The following ZC3HC1 variants were observed in gnomAD, a reference collection of about 807,000 sequenced individuals.
The protein encoded by ZC3HC1 is zinc finger C3HC-type protein 1.
A neutral mutation model predicts 61.9 loss-of-function variants in ZC3HC1; 38 were observed. That is an observed-to-expected ratio of 0.61 (90% CI 0.47 to 0.81). The LOEUF (loss-of-function observed/expected upper bound fraction) is 0.81, where lower values mean the gene tolerates loss of function less well. Among genes scored for constraint, ZC3HC1 ranks in the 30% least tolerant of loss-of-function variants. The probability of loss-of-function intolerance (pLI) is 0.00; values close to 1 mark genes in which losing one functional copy is unlikely to be tolerated. For missense variants in ZC3HC1, 554 were observed against 622.7 expected, an observed-to-expected ratio of 0.89 and a Z score of 1.17; for synonymous variants, 213 against 229.9, an observed-to-expected ratio of 0.93 and a Z score of 0.67.
rs749273662 is a variant in ZC3HC1 at position 130,024,380 on chromosome 7, G to C, written c.903C>G (p.Thr301=). ...CCTCAAGGCCTGGGATTGGGGAGCT[G>C]GTCAGGCCAAAGGATGCATCCAGGT... ...MTDLDASFGL[T]SSPIPGLEGR... Residue 301 remains threonine (T), a synonymous_variant, in exon 7 of 10, where the codon ACC becomes ACG. Coordinates refer to ENST00000358303, the MANE Select transcript of ZC3HC1 (RefSeq NM_016478.5). 8 of 1,614,116 alleles carry C rather than the reference G, an allele frequency of 5.0e-6. No individual in the cohort carries two copies. In the South Asian group the frequency reaches 6.6e-5, roughly 13 times the overall value.
At chr7:130,045,479 C>A (rs538015849) in intron 2 of ZC3HC1, 1 of 457,430 alleles carries the variant, frequency 2.2e-6, no homozygotes, top group South Asian at 1.5e-5. Flanking sequence ...AGCTTCACAA[C>A]CTCTATGGTC....
In ZC3HC1 at chr7:130,039,486, G is replaced by C. The variant is rs1794561835; in HGVS notation, c.471C>G (p.Phe157Leu). ...TACCTGGGGATGGGCTGTCTGGCCA[G>C]AAACAGAACTTCTCATGGGCAGTAC... is the stretch of plus-strand genomic sequence containing the variant. ...ALCTAHEKFC[F>L]WPDSPSPDRF... is the part of the protein sequence containing the mutation. The change falls in exon 4 of 10, where the codon TTC becomes TTG. Residue 157 changes from phenylalanine to leucine, a missense_variant. Coordinates refer to ENST00000358303, the MANE Select transcript of ZC3HC1 (RefSeq NM_016478.5). The C allele has an allele frequency of 1.9e-6, 3 of 1,612,406 alleles. No individual in the cohort carries two copies. The highest frequency in any genetic ancestry group is 2.2e-5 in the South Asian group (2 of 90,422).
chr7:130,045,583 C>G, intron 2 of ZC3HC1: 1 of 455,246 alleles, frequency 2.2e-6, no homozygotes, highest in South Asian at 1.6e-5. Context: ...TACTTTGGAT[C>G]TCATTTGCTG....
At position 130,026,199 on chromosome 7, in the gene ZC3HC1, G is replaced by A. The variant is rs570040948; in HGVS notation, c.735C>T (p.His245=). The A allele has an allele frequency of 5.6e-6, 9 of 1,614,090 alleles. No homozygotes were observed. The highest frequency in any genetic ancestry group is 3.3e-5 in the South Asian group (3 of 91,078). The change falls in exon 6 of 10, where the codon CAC becomes CAT. Residue 245 remains histidine, a synonymous_variant. Coordinates refer to ENST00000358303, the MANE Select transcript of ZC3HC1 (RefSeq NM_016478.5). ...TIKLGSDIQV[H]VTACILSVCG... is the part of the protein sequence containing the mutation. ...ACACAGAGAGAATACAGGCAGTGAC[G>A]TGGACTTGGATGTCTGAGCCTAATT... is the stretch of plus-strand genomic sequence containing the variant.
At position 130,023,618 on chromosome 7, in the gene ZC3HC1, G is replaced by A. The variant is rs759468980; in HGVS notation, c.1126C>T (p.Arg376Cys). The A allele has an allele frequency of 2.4e-5, 38 of 1,614,044 alleles. No individual in the cohort carries two copies. Among genetic ancestry groups the A allele is most frequent in the Non-Finnish European group, 3.1e-5 (36 of 1,180,046 alleles). The change falls in exon 8 of 10, where the codon CGC becomes TGC. Residue 376 changes from arginine (R) to cysteine (C), a missense_variant. Coordinates refer to ENST00000358303, the MANE Select transcript of ZC3HC1 (RefSeq NM_016478.5). The surrounding 1 kb of genome is among the most constrained non-coding windows in gnomAD (Gnocchi z 4.2). The part of the protein sequence containing the change: ...PEAASPTTRT[R>C]PVTRSMGTGD... ...GTTCCCATGCTTCGGGTCACTGGGC[G>A]AGTTCTGGTGGTGGGGCTAGCAGCC...
In ZC3HC1 at chr7:130,022,494, G is replaced by A. The variant is rs369538134; in HGVS notation, c.1265C>T (p.Thr422Ile). ...AGGGCACCAGTCTCTATGCTGAGAG[G>A]TGGGATCAAAGAAGCTTCGGGAAGA... ...DTSSRSFFDP[T>I]SQHRDWCPWV... The change falls in exon 9 of 10, where the codon ACC becomes ATC. Residue 422 changes from threonine (T) to isoleucine (I), a missense_variant. Coordinates refer to ENST00000358303, the MANE Select transcript of ZC3HC1 (RefSeq NM_016478.5). 2 of 1,613,710 alleles carry A rather than the reference G, an allele frequency of 1.2e-6. No homozygotes were observed. The highest frequency in any genetic ancestry group is 1.3e-5 in the African/African-American group (1 of 74,928).
chr7:130,031,911 T>A (rs1296318212), intron 4 of ZC3HC1, among the ~76,000 whole-genome samples: 1 of 152,082 alleles, frequency 6.6e-6, no homozygotes, highest in Non-Finnish European at 1.5e-5. Flanking sequence ...TAAAGAAATC[T>A]CTGTCCAATC....
In ZC3HC1 at chr7:130,024,286, T is replaced by C. The variant is rs745573379; in HGVS notation, c.997A>G (p.Thr333Ala). Residue 333 changes from threonine to alanine, a missense_variant, in exon 7 of 10, where the codon ACT (threonine) becomes GCT (alanine). Thr to Ala is a moderately conservative substitution (Grantham distance 58, BLOSUM62 0). Transcript: ENST00000358303. The part of the protein sequence containing the change: ...RRMMTRSQDA[T>A]FSPGSEQAEK... ...ACCTGCTCTGAGCCTGGGGAGAAAG[T>C]GGCATCCTGGCTCCGGGTCATCATC... is the stretch of plus-strand genomic sequence containing the variant. The C allele has an allele frequency of 1.5e-5, 24 of 1,611,366 alleles. No individual in the cohort carries two copies. The highest frequency in any genetic ancestry group is 2.0e-5 in the Non-Finnish European group (24 of 1,178,224).
At chr7:130,019,464 C>T (rs1042070574) in intron 9 of ZC3HC1, among the ~76,000 whole-genome samples, 2 of 152,160 alleles carry the variant, frequency 1.3e-5, no homozygotes, top group African/African-American at 4.8e-5. Flanking sequence ...CCAAGGACAA[C>T]TAATAAAAAC....
At chr7:130,047,642 C>CAT (rs1262719634) in intron 2 of ZC3HC1, among the ~76,000 whole-genome samples, 1 of 135,338 alleles carries the variant, frequency 7.4e-6, no homozygotes, top group Non-Finnish European at 1.6e-5. Flanking sequence ...TTTGTCTACA[C>CAT]ACACACACAC....
At position 130,031,277 on chromosome 7, in the gene ZC3HC1, A is replaced by G. The variant is rs1432507369; in HGVS notation, c.494-2248T>C. Among the ~76,000 whole-genome samples, 43 of 141,746 alleles carry G rather than the reference A, an allele frequency of 3.0e-4. 1 individual carries two copies. The highest frequency in any genetic ancestry group is 1.1e-4 in the Non-Finnish European group (7 of 66,066). The allele number at this position is 141,746 out of a possible 152,430, so 93.0% of individuals were successfully genotyped here. On this transcript the variant is annotated intron_variant, in intron 4 of 9. Coordinates refer to ENST00000358303, the MANE Select transcript of ZC3HC1 (RefSeq NM_016478.5). ...GGAGGCGGAGGTTTGGTGAGCTGAG[A>G]TTGCGCCATTGCACTCCAGCCTGGG...
Position 130,040,520 on chromosome 7 carries a change from G to T in ZC3HC1, c.409+431C>A, listed in dbSNP as rs967526489. On this transcript the variant is annotated intron_variant, in intron 3 of 9. Transcript: ENST00000358303. Reference sequence around the variant, plus strand: ...CTCAAAAAAAAAAAAAAAAAAAAAAGACTGGCCAGGCACTATGGCTTACCC... The same window carrying T: ...CTCAAAAAAAAAAAAAAAAAAAAAATACTGGCCAGGCACTATGGCTTACCC... Among the ~76,000 whole-genome samples the T allele has an allele frequency of 4.2e-3, 516 of 122,778 alleles. 7 individuals carry two copies. The highest frequency in any genetic ancestry group is 0.011 in the South Asian group (41 of 3,776). The allele number at this position is 122,778 out of a possible 152,430, so 80.5% of individuals were successfully genotyped here.
At chr7:130,026,662 C>T (rs1203222528) in intron 5 of ZC3HC1, 1 of 168,546 alleles carries the variant, frequency 5.9e-6, no homozygotes, top group East Asian at 1.6e-4. Context: ...CTTAGCCTGA[C>T]ACTAAATTTA....
In ZC3HC1 at chr7:130,049,076, G is replaced by A; in HGVS notation, c.215C>T (p.Ser72Phe). The A allele has an allele frequency of 6.2e-7, 1 of 1,609,662 alleles. No homozygotes were observed. The highest frequency in any genetic ancestry group is 2.2e-5 in the East Asian group (1 of 44,732). ...SPQAEQPSLE[S>F]TSKEAFFSRV... Reference sequence around the variant, plus strand: ...GCTAAAGAAGGCTTCTTTGCTTGTAGATTCCAATGAAGGTTGTTCCGCTTG... The same window carrying A: ...GCTAAAGAAGGCTTCTTTGCTTGTAAATTCCAATGAAGGTTGTTCCGCTTG... Residue 72 changes from serine to phenylalanine, a missense_variant, in exon 2 of 10, where the codon TCT becomes TTT. Transcript: ENST00000358303.
chr7:130,051,436 AT>A (rs879088597), upstream of ZC3HC1: 2 of 1,598,958 alleles, frequency 1.3e-6, no homozygotes, highest in South Asian at 2.2e-5. Context: ...GGAGGTTAAT[AT>A]CCGCCTCTTG....
Position 130,022,541 on chromosome 7 carries a change from A to G in ZC3HC1, c.1234-16T>C. 1 of 1,613,738 alleles carries G rather than the reference A, an allele frequency of 6.2e-7. No homozygotes were observed. Among genetic ancestry groups the G allele is most frequent in the East Asian group, 2.2e-5 (1 of 44,882 alleles). On this transcript the variant is annotated splice_polypyrimidine_tract_variant and intron_variant, in intron 8 of 9. Transcript: ENST00000358303. Reference sequence around the variant, plus strand: ...AAGATGTGTCCTGAGGAAGGAGAAAAAGAAATAGCATTCATAGGTAGATGC... The same window carrying G: ...AAGATGTGTCCTGAGGAAGGAGAAAGAGAAATAGCATTCATAGGTAGATGC...
chr7:130,040,821 AAAG>A, intron 3 of ZC3HC1, 127 bp downstream of exon 3: 3 of 1,071,176 alleles, frequency 2.8e-6, no homozygotes, highest in Admixed American at 2.5e-5. Context: ...AAAAAAAAAA[AAAG>A]ATTAAAAAAA....
intron 4 of ZC3HC1, among the ~76,000 whole-genome samples, chr7:130,033,956 A>C (rs1794323483): frequency 6.6e-6 from 1 of 152,098 alleles, no homozygotes; most frequent in African/African-American, 2.4e-5. Context: ...TGCTGCTGTT[A>C]CTACATTTGG....
chr7:130,033,719 TG>T (rs1422534918), intron 4 of ZC3HC1, among the ~76,000 whole-genome samples: 1 of 152,144 alleles, frequency 6.6e-6, no homozygotes. Context: ...CCCAAAGTGT[TG>T]GGATTACAGG....
Sources: gnomAD v4.1 joint callset for allele counts (sites outside exome capture counted in the v4.1 genomes callset) on GRCh38, gnomAD v4.1.1 for gene constraint, Gnocchi (gnomAD v3.1) non-coding constraint, MANE v1.5 for transcripts, NCBI Gene and HGNC (gene_info 2026-07-23, HGNC 2026-07-21) for gene names.